ATF7IP2: variants seen among roughly 807,000 people sequenced by gnomAD.
ATF7IP2 encodes activating transcription factor 7-interacting protein 2.
A neutral mutation model predicts 64.2 loss-of-function variants in ATF7IP2; 42 were observed. The observed-to-expected ratio is 0.65, with a 90% CI of 0.51 to 0.85. ATF7IP2 has a LOEUF of 0.85. Among genes scored for constraint, ATF7IP2 ranks in the 40% least tolerant of loss-of-function variants. The pLI, the probability that ATF7IP2 is intolerant of heterozygous loss-of-function variation, is 0.00. For synonymous variants in ATF7IP2, 308 were observed against 272.8 expected, an observed-to-expected ratio of 1.13 and a Z score of -1.27; for missense variants, 933 against 784.2, an observed-to-expected ratio of 1.19 and a Z score of -2.27.
intron 8 of ATF7IP2, among the ~76,000 whole-genome samples, chr16:10,450,565 A>G (rs2048951929): frequency 6.6e-6 from 1 of 152,180 alleles, no homozygotes; most frequent in Non-Finnish European, 1.5e-5. Context: ...ACCATTAGGT[A>G]ATGCCTTTCT....
At chr16:10,472,855 C>CAAAAA (rs71133355) in intron 10 of ATF7IP2, among the ~76,000 whole-genome samples, 3 of 99,104 alleles carry the variant, frequency 3.0e-5, no homozygotes, top group Admixed American at 1.1e-4. Context: ...GACTCCGTCT[C>CAAAAA]AAAAAAAAAA....
Position 10,457,428 on chromosome 16 carries a change from A to T in ATF7IP2, c.1251A>T (p.Pro417=). The stretch of plus-strand genomic sequence containing the variant: ...AGAATCTTGAGTCAGTTAATAGTCC[A>T]ATTGAAAAGTCTTCTGTGAATTATG... ...LDKNLESVNS[P]IEKSSVNYEP... is the part of the protein sequence containing the mutation. Residue 417 remains proline (P), a synonymous_variant, in exon 9 of 14, where the codon CCA becomes CCT. Transcript: ENST00000562102. 1 of 1,608,234 alleles carries T rather than the reference A, an allele frequency of 6.2e-7. No individual in the cohort carries two copies. Among genetic ancestry groups the T allele is most frequent in the Non-Finnish European group, 8.5e-7 (1 of 1,177,920 alleles).
chr16:10,467,993 C>T (rs2049644221), intron 9 of ATF7IP2, among the ~76,000 whole-genome samples: 1 of 151,360 alleles, frequency 6.6e-6, no homozygotes, highest in Admixed American at 6.6e-5. Context: ...GTTTCTCCTG[C>T]CTCAGCCTCC....
intron 1 of ATF7IP2, among the ~76,000 whole-genome samples, chr16:10,409,505 T>TC (rs1555505417): frequency 6.6e-6 from 1 of 151,552 alleles, no homozygotes; most frequent in Non-Finnish European, 1.5e-5. Flanking sequence ...ATTTTTTTTT[T>TC]ATTGAGACTT....
intron 1 of ATF7IP2, among the ~76,000 whole-genome samples, chr16:10,395,205 A>G (rs2047399339): frequency 6.6e-6 from 1 of 152,098 alleles, no homozygotes; most frequent in South Asian, 2.1e-4. Context: ...TTCCAATTGT[A>G]TGGTACTCCA....
intron 9 of ATF7IP2, among the ~76,000 whole-genome samples, chr16:10,458,597 G>T (rs1455664263): frequency 1.3e-5 from 2 of 152,190 alleles, no homozygotes; most frequent in Non-Finnish European, 2.9e-5. Flanking sequence ...ACTTGATTCT[G>T]ATGGCTTTAA....
intron 6 of ATF7IP2, among the ~76,000 whole-genome samples, chr16:10,434,838 C>T (rs905614042): frequency 1.3e-5 from 2 of 152,166 alleles, no homozygotes; most frequent in East Asian, 1.9e-4. Context: ...CACTTTGTCA[C>T]CCAGACTGGA....
intron 8 of ATF7IP2, among the ~76,000 whole-genome samples, chr16:10,453,490 A>T (rs57826303): frequency 2.0e-3 from 308 of 152,330 alleles, no homozygotes; most frequent in Non-Finnish European, 3.7e-3. Flanking sequence ...TTCTGCATCA[A>T]TCTTACTGGG....
intron 12 of ATF7IP2, among the ~76,000 whole-genome samples, chr16:10,479,957 A>C (rs1439186279): frequency 9.6e-6 from 1 of 104,390 alleles, no homozygotes; most frequent in Non-Finnish European, 2.0e-5. Flanking sequence ...AACTGGAAAT[A>C]CTTTTTTTTT....
In ATF7IP2 at chr16:10,446,003, T is replaced by TTTGGGCAGACCAATTA. The variant is rs2048791655; in HGVS notation, c.1194+5550_1194+5565dup. 1.3e-5 allele frequency: 2 copies of TTTGGGCAGACCAATTA among 152,244 alleles called. 1 individual carries two copies. 9.4% of individuals were successfully genotyped at this position (152,244 alleles called of 1,614,324 possible). On this transcript the variant is annotated intron_variant, in intron 8 of 13. Coordinates refer to ENST00000562102, the MANE Select transcript of ATF7IP2 (RefSeq NM_001393719.1). ...TGATATAATGCAAACAATTCACATG[T>TTTGGGCAGACCAATTA]TTGGGCAGACCAATTATTGGGCAGT...
At chr16:10,468,886 A>G (rs1567172115) in intron 9 of ATF7IP2, among the ~76,000 whole-genome samples, 1 of 152,200 alleles carries the variant, frequency 6.6e-6, no homozygotes, top group African/African-American at 2.4e-5. Context: ...AATCAGAAGT[A>G]ACAGGTAGGG....
At chr16:10,457,886 A>G (rs145217332) in intron 9 of ATF7IP2, among the ~76,000 whole-genome samples, 2 of 151,996 alleles carry the variant, frequency 1.3e-5, no homozygotes, top group Non-Finnish European at 2.9e-5. Flanking sequence ...AATTTTTTAT[A>G]TTTTTTGTAG....
At chr16:10,435,641 A>G (rs554811305) in intron 6 of ATF7IP2, among the ~76,000 whole-genome samples, 54 of 152,368 alleles carry the variant, frequency 3.5e-4, no homozygotes, top group African/African-American at 1.2e-3. Flanking sequence ...ATCAAATTTA[A>G]GGACCTGTCC....
intron 8 of ATF7IP2, among the ~76,000 whole-genome samples, chr16:10,444,658 A>G (rs977922658): frequency 1.7e-4 from 26 of 152,214 alleles, no homozygotes; most frequent in Admixed American, 1.4e-3. Flanking sequence ...GTCCAAGGCA[A>G]TGAAGTTTTC....
At chr16:10,393,614 G>T (rs757635496) in intron 1 of ATF7IP2, among the ~76,000 whole-genome samples, 1 of 152,112 alleles carries the variant, frequency 6.6e-6, no homozygotes, top group Non-Finnish European at 1.5e-5. Context: ...CATGTTTAAG[G>T]TAGGCTTAGG....
chr16:10,386,474 C>T (rs1442094762), intron 1 of ATF7IP2: 2 of 152,184 alleles, frequency 1.3e-5, no homozygotes, highest in Admixed American at 6.5e-5. Flanking sequence ...TCGCTCTTGT[C>T]CGGAATGCTT....
intron 7 of ATF7IP2, 74 bp downstream of exon 7, chr16:10,438,309 A>G: frequency 7.1e-7 from 1 of 1,417,786 alleles, no homozygotes; most frequent in Non-Finnish European, 9.4e-7. Context: ...AGGCTGCAGT[A>G]CGGTGGCTCA....
At chr16:10,469,877 A>G (rs138306712) in intron 9 of ATF7IP2, among the ~76,000 whole-genome samples, 3 of 126,112 alleles carry the variant, frequency 2.4e-5, no homozygotes, top group Non-Finnish European at 3.3e-5. Flanking sequence ...AGATACTTCT[A>G]AAGTATTGAA....
chr16:10,461,313 C>A (rs1047285951), intron 9 of ATF7IP2, among the ~76,000 whole-genome samples: 4 of 152,010 alleles, frequency 2.6e-5, no homozygotes, highest in African/African-American at 4.8e-5. Context: ...ATATGAATAT[C>A]CTTTGACCTA....
Sources: gnomAD v4.1 joint callset for allele counts (sites outside exome capture counted in the v4.1 genomes callset) on GRCh38, gnomAD v4.1.1 for gene constraint, MANE v1.5 for transcripts, NCBI Gene and HGNC (gene_info 2026-07-23, HGNC 2026-07-21) for gene names.